GRAMD2B: variants seen among roughly 807,000 people sequenced by gnomAD.
The protein encoded by GRAMD2B is GRAM domain containing 2B.
GRAMD2B carries 41 observed loss-of-function variants against 59.2 expected under a neutral mutation model. The observed-to-expected ratio is 0.69, with a 90% CI of 0.54 to 0.90. GRAMD2B has a LOEUF of 0.90. Among genes scored for constraint, GRAMD2B ranks in the 40% least tolerant of loss-of-function variants. The pLI is 0.00. For synonymous variants in GRAMD2B, 161 were observed against 182.7 expected (o/e 0.88, Z 0.96); for missense variants, 424 against 500.5 (o/e 0.85, Z 1.46).
intron 1 of GRAMD2B, among the ~76,000 whole-genome samples, chr5:126,378,554 T>G (rs1053918897): frequency 2.0e-5 from 3 of 152,208 alleles, no homozygotes; most frequent in African/African-American, 7.2e-5. Context: ...ATCTGCCCTC[T>G]GATTATAACT....
intron 1 of GRAMD2B, among the ~76,000 whole-genome samples, chr5:126,409,517 C>T (rs551528763): frequency 6.6e-5 from 10 of 152,260 alleles, no homozygotes; most frequent in African/African-American, 2.4e-4. Context: ...TGTCCTTCGC[C>T]AACTTTTTGA....
In GRAMD2B at chr5:126,485,673, T is replaced by C. The variant is rs1158067213; in HGVS notation, c.971-13T>C. On this transcript the variant is annotated splice_polypyrimidine_tract_variant and intron_variant, in intron 10 of 13. Coordinates refer to ENST00000285689, the MANE Select transcript of GRAMD2B (RefSeq NM_023927.4). ...TGGTTTTAAACAGTTGTTTTTTGTTTTCCTCCCAACAGGTCTGTCAGAAAC... is the reference window on the plus strand; with the variant it reads ...TGGTTTTAAACAGTTGTTTTTTGTTCTCCTCCCAACAGGTCTGTCAGAAAC... The C allele has an allele frequency of 6.3e-7, 1 of 1,588,270 alleles. No individual in the cohort carries two copies. Among genetic ancestry groups the C allele is most frequent in the South Asian group, 1.1e-5 (1 of 89,666 alleles).
intron 1 of GRAMD2B, among the ~76,000 whole-genome samples, chr5:126,384,336 A>G (rs1042167183): frequency 6.6e-6 from 1 of 152,218 alleles, no homozygotes; most frequent in Admixed American, 6.5e-5. Context: ...TTTCCACAAC[A>G]TGTCTCTTGC....
At chr5:126,407,838 C>T (rs748006242) in intron 1 of GRAMD2B, among the ~76,000 whole-genome samples, 6 of 151,972 alleles carry the variant, frequency 3.9e-5, no homozygotes, top group South Asian at 2.1e-4. Flanking sequence ...ATATGAATTG[C>T]GTGCTATGTG....
At chr5:126,464,196 C>G (rs1767893729) in intron 1 of GRAMD2B, among the ~76,000 whole-genome samples, 1 of 152,172 alleles carries the variant, frequency 6.6e-6, no homozygotes, top group Non-Finnish European at 1.5e-5. Flanking sequence ...TTAAACTATC[C>G]AGTGGCATTT....
At chr5:126,458,151 T>A (rs536098208) in intron 1 of GRAMD2B, among the ~76,000 whole-genome samples, 2 of 152,122 alleles carry the variant, frequency 1.3e-5, no homozygotes, top group African/African-American at 2.4e-5. Context: ...AATGAGGGAC[T>A]GGGCCAGGCA....
intron 1 of GRAMD2B, chr5:126,465,146 A>C (rs1370076825): frequency 7.8e-7 from 1 of 1,287,148 alleles, no homozygotes; most frequent in African/African-American, 1.5e-5. Context: ...AGCACAGCCC[A>C]TGCAGAGCAG....
At chr5:126,480,580 T>A in intron 7 of GRAMD2B, 47 bp from the exon 8 acceptor site, 1 of 1,608,030 alleles carries the variant, frequency 6.2e-7, no homozygotes, top group Non-Finnish European at 8.5e-7. Context: ...GTATTTCTTA[T>A]GGTTTCATAG....
At chr5:126,366,389 A>C (rs1754437414), upstream of GRAMD2B, among the ~76,000 whole-genome samples, 1 of 152,210 alleles carries the variant, frequency 6.6e-6, no homozygotes, top group African/African-American at 2.4e-5. Context: ...TGTCCCATTG[A>C]GTAAAGCAAA....
intron 1 of GRAMD2B, among the ~76,000 whole-genome samples, chr5:126,401,926 G>GGGTCAC (rs1377460692): frequency 6.6e-6 from 1 of 151,948 alleles, no homozygotes; most frequent in African/African-American, 2.4e-5. Flanking sequence ...TCATATACCG[G>GGGTCAC]GGTCACTCTA....
At chr5:126,372,165 AT>A (rs1321833023) in intron 1 of GRAMD2B, among the ~76,000 whole-genome samples, 1 of 152,014 alleles carries the variant, frequency 6.6e-6, no homozygotes, top group Non-Finnish European at 1.5e-5. Flanking sequence ...ATAACTACAT[AT>A]TTTTCATGAA....
chr5:126,390,489 A>T (rs2149718127), intron 1 of GRAMD2B, among the ~76,000 whole-genome samples: 1 of 152,358 alleles, frequency 6.6e-6, no homozygotes, highest in Non-Finnish European at 1.5e-5. Flanking sequence ...CTGACACTAC[A>T]GTTTTTTGGC....
At chr5:126,444,008 C>T (rs1323111288) in intron 1 of GRAMD2B, among the ~76,000 whole-genome samples, 15 of 151,800 alleles carry the variant, frequency 9.9e-5, no homozygotes, top group Admixed American at 7.9e-4. Flanking sequence ...GCCAAGATCA[C>T]GCCATTGCCC....
chr5:126,361,078 C>A (rs563313896), intron 1 of GRAMD2B, among the ~76,000 whole-genome samples: 1 of 152,228 alleles, frequency 6.6e-6, no homozygotes, highest in South Asian at 2.1e-4. Flanking sequence ...AGCAGAGTAA[C>A]AAGTATATGT....
At chr5:126,464,367 G>C (rs1161122255) in intron 1 of GRAMD2B, among the ~76,000 whole-genome samples, 3 of 152,270 alleles carry the variant, frequency 2.0e-5, no homozygotes, top group South Asian at 2.1e-4. Context: ...GTGTTTTACT[G>C]AGCTGACACA....
At chr5:126,472,707 G>C (rs1769850169) in intron 4 of GRAMD2B, among the ~76,000 whole-genome samples, 1 of 152,194 alleles carries the variant, frequency 6.6e-6, no homozygotes, top group South Asian at 2.1e-4. Context: ...TGAAGGGTAA[G>C]ATAGTCACCT....
intron 3 of GRAMD2B, among the ~76,000 whole-genome samples, chr5:126,471,779 TA>T (rs1769633552): frequency 6.6e-6 from 1 of 152,188 alleles, no homozygotes; most frequent in Non-Finnish European, 1.5e-5. Flanking sequence ...ATTAAGTGAC[TA>T]AGCCATGGTC....
chr5:126,434,856 T>G (rs1443610207), intron 1 of GRAMD2B, among the ~76,000 whole-genome samples: 1 of 152,180 alleles, frequency 6.6e-6, no homozygotes, highest in African/African-American at 2.4e-5. Context: ...TCCATTTTTG[T>G]CTGGCACCTG....
intron 1 of GRAMD2B, among the ~76,000 whole-genome samples, chr5:126,464,859 A>C (rs1328905348): frequency 6.6e-6 from 1 of 152,226 alleles, no homozygotes; most frequent in Non-Finnish European, 1.5e-5. Flanking sequence ...AGCTCTCTGA[A>C]CTTAGGCAAG....
Sources: gnomAD v4.1 joint callset for allele counts (sites outside exome capture counted in the v4.1 genomes callset) on GRCh38, gnomAD v4.1.1 for gene constraint, MANE v1.5 for transcripts, NCBI Gene and HGNC (gene_info 2026-07-23, HGNC 2026-07-21) for gene names.